PLCG2: variants seen among roughly 807,000 people sequenced by gnomAD.
PLCG2 encodes the protein phospholipase C gamma 2.
In PLCG2, 69 loss-of-function variants were observed where a neutral mutation model predicts 175.6. The ratio of observed to expected loss-of-function variants is 0.39; its 90% confidence interval spans 0.32 to 0.48. The LOEUF is 0.48. PLCG2 is among the 20% of genes least tolerant of loss of function. PLCG2 has a pLI of 0.91. For synonymous variants in PLCG2, 827 were observed against 624.0 expected, an observed-to-expected ratio of 1.33 and a Z score of -4.85; for missense variants, 1,798 against 1,650.9, an observed-to-expected ratio of 1.09 and a Z score of -1.54.
At chr16:81,920,850 C>G (rs1180823400) in intron 20 of PLCG2, among the ~76,000 whole-genome samples, 1 of 152,166 alleles carries the variant, frequency 6.6e-6, no homozygotes, top group Non-Finnish European at 1.5e-5. Context: ...GTCGTTGAAC[C>G]TGGAACGTGG....
rs192143027 is a variant in PLCG2, at chr16:81,816,033, G to A, written c.193+29851G>A. 4.1e-5 allele frequency among the ~76,000 whole-genome samples: 6 copies of A among 147,776 alleles called. No homozygotes were observed. The East Asian group carries it at 1.2e-3, about 30-fold the overall frequency. Reference sequence around the variant, plus strand: ...GCCGAGATTGTGCCACTGCACTTCAGCCTGGGTGACAGAGCATGACTTCAT... The same window carrying A: ...GCCGAGATTGTGCCACTGCACTTCAACCTGGGTGACAGAGCATGACTTCAT... On this transcript the variant is annotated intron_variant, in intron 2 of 32. Transcript: ENST00000564138.
intron 1 of PLCG2, among the ~76,000 whole-genome samples, chr16:81,749,289 T>G (rs1279262984): frequency 4.6e-5 from 7 of 152,220 alleles, no homozygotes; most frequent in Admixed American, 4.6e-4. Context: ...ATCACTTGAT[T>G]GATTTTTGTC....
intron 31 of PLCG2, among the ~76,000 whole-genome samples, chr16:81,949,909 A>G (rs1389019472): frequency 6.6e-6 from 1 of 152,240 alleles, no homozygotes; most frequent in Non-Finnish European, 1.5e-5. Flanking sequence ...TAAATAAACT[A>G]TACTGCAGAG....
intron 7 of PLCG2, among the ~76,000 whole-genome samples, chr16:81,877,188 C>T (rs1013802301): frequency 6.6e-6 from 1 of 152,206 alleles, no homozygotes; most frequent in Non-Finnish European, 1.5e-5. Context: ...GGCACGGTGG[C>T]TCACGCCTGT....
intron 1 of PLCG2, chr16:81,755,836 C>T (rs1417085247): frequency 2.1e-4 from 32 of 152,300 alleles, no homozygotes; most frequent in African/African-American, 7.5e-4. Context: ...TCAGCCTGTT[C>T]CTTTAACATC....
chr16:81,778,067 A>AAC (rs1204714814), upstream of PLCG2, among the ~76,000 whole-genome samples: 16 of 118,502 alleles, frequency 1.4e-4, 1 homozygote, highest in Non-Finnish European at 1.9e-4. Context: ...AAAAAAACCA[A>AAC]AAACACACAC....
chr16:81,791,062 C>A (rs1911209546), intron 2 of PLCG2, among the ~76,000 whole-genome samples: 1 of 152,162 alleles, frequency 6.6e-6, no homozygotes, highest in Non-Finnish European at 1.5e-5. Flanking sequence ...GGAATTTTCT[C>A]ATTTGTTCAG....
At chr16:81,870,713 A>T (rs987687872) in intron 6 of PLCG2, 139 bp from the exon 7 acceptor site, 25 of 479,938 alleles carry the variant, frequency 5.2e-5, no homozygotes, top group Non-Finnish European at 7.4e-5. Context: ...ACACTGAAAC[A>T]ATGTGGTCAT....
intron 30 of PLCG2, among the ~76,000 whole-genome samples, chr16:81,942,402 G>C (rs149079828): frequency 1.5e-4 from 23 of 152,340 alleles, no homozygotes; most frequent in African/African-American, 5.5e-4. Context: ...GATACTCTCA[G>C]CAGGGACCTT....
chr16:81,791,938 G>C (rs1216169233), intron 2 of PLCG2, among the ~76,000 whole-genome samples: 1 of 152,152 alleles, frequency 6.6e-6, no homozygotes, highest in African/African-American at 2.4e-5. Context: ...GAAGCTACAG[G>C]CTTCTTACGA....
chr16:81,872,818 A>G (rs7199941), intron 7 of PLCG2, among the ~76,000 whole-genome samples: 83,200 of 152,116 alleles, frequency 0.55, 23,507 homozygotes, highest in Middle Eastern at 0.62. Context: ...CCTCTGTGCA[A>G]TGGGAGGTTG....
chr16:81,771,852 C>T (rs1910288404), intron 2 of PLCG2, among the ~76,000 whole-genome samples: 1 of 152,130 alleles, frequency 6.6e-6, no homozygotes, highest in African/African-American at 2.4e-5. Flanking sequence ...GGCAGGATCT[C>T]CGCTCACTGC....
chr16:81,863,235 A>G (rs375635714), intron 5 of PLCG2, among the ~76,000 whole-genome samples: 2 of 152,024 alleles, frequency 1.3e-5, no homozygotes, highest in East Asian at 3.9e-4. Context: ...GGAAATCACC[A>G]CTCTACTGTC....
chr16:81,778,598 G>A (rs368032114), upstream of PLCG2, among the ~76,000 whole-genome samples: 7 of 152,266 alleles, frequency 4.6e-5, no homozygotes, highest in East Asian at 7.7e-4. Context: ...GACATCAATT[G>A]TCTGGGGTTC....
intron 2 of PLCG2, among the ~76,000 whole-genome samples, chr16:81,811,292 T>A (rs1904318106): frequency 6.6e-6 from 1 of 152,156 alleles, no homozygotes; most frequent in Non-Finnish European, 1.5e-5. Flanking sequence ...AGATCGGGTA[T>A]GTAAAACCTT....
intron 2 of PLCG2, among the ~76,000 whole-genome samples, chr16:81,816,610 C>G (rs1023977786): frequency 8.5e-5 from 12 of 140,428 alleles, no homozygotes; most frequent in Non-Finnish European, 1.2e-4. Context: ...TCACAAGTAG[C>G]TGGGACTACA....
chr16:81,938,505 A>G (rs1910807153), intron 28 of PLCG2: 2 of 433,486 alleles, frequency 4.6e-6, no homozygotes, highest in Admixed American at 3.9e-5. Flanking sequence ...CTCTGCCTTG[A>G]TCAGAGGCAC....
chr16:81,840,747 C>T (rs546861649), intron 2 of PLCG2, among the ~76,000 whole-genome samples: 18 of 152,318 alleles, frequency 1.2e-4, no homozygotes, highest in African/African-American at 4.3e-4. Context: ...CCTAACGGGC[C>T]ACAGACAGGT....
At chr16:81,801,265 TCATAAGTACC>T (rs780423204) in intron 2 of PLCG2, among the ~76,000 whole-genome samples, 27 of 152,234 alleles carry the variant, frequency 1.8e-4, no homozygotes, top group Non-Finnish European at 2.8e-4. Flanking sequence ...AGTTAAGTTC[TCATAAGTACC>T]CTTCCCTCCC....
Sources: gnomAD v4.1 joint callset for allele counts (sites outside exome capture counted in the v4.1 genomes callset) on GRCh38, gnomAD v4.1.1 for gene constraint, MANE v1.5 for transcripts, NCBI Gene and HGNC (gene_info 2026-07-23, HGNC 2026-07-21) for gene names.